DSE: variants seen among roughly 807,000 people sequenced by gnomAD.
DSE encodes the protein dermatan-sulfate epimerase.
DSE carries 36 observed loss-of-function variants against 84.4 expected under a neutral mutation model. The observed-to-expected ratio is 0.43, with a 90% CI of 0.33 to 0.56. DSE has a LOEUF of 0.56. Among genes scored for constraint, DSE ranks in the 20% least tolerant of loss-of-function variants. The pLI, the probability that DSE is intolerant of heterozygous loss-of-function variation, is 0.06. For missense variants in DSE, 862 were observed against 1,169.6 expected (o/e 0.74, Z 3.84); for synonymous variants, 410 against 430.1 (o/e 0.95, Z 0.58).
At chr6:116,282,582 C>T (rs1360956312) in intron 2 of DSE, among the ~76,000 whole-genome samples, 2 of 151,912 alleles carry the variant, frequency 1.3e-5, no homozygotes, top group African/African-American at 2.4e-5. Context: ...CTCTTCTTGT[C>T]GAACATGTAT....
intron 2 of DSE, among the ~76,000 whole-genome samples, chr6:116,261,292 A>G (rs183111999): frequency 6.3e-4 from 96 of 152,142 alleles, no homozygotes; most frequent in Admixed American, 1.9e-3. Flanking sequence ...CAGTGGTGCG[A>G]TATCAGTTCA....
At chr6:116,263,242 T>G (rs1435258222) in intron 2 of DSE, among the ~76,000 whole-genome samples, 2 of 152,226 alleles carry the variant, frequency 1.3e-5, no homozygotes, top group African/African-American at 4.8e-5. Context: ...TGTAGGAGTC[T>G]ACGTCTCTTT....
At chr6:116,368,979 G>A (rs1779339581), upstream of DSE, among the ~76,000 whole-genome samples, 1 of 152,062 alleles carries the variant, frequency 6.6e-6, no homozygotes, top group Non-Finnish European at 1.5e-5. Context: ...GTCATCCAGA[G>A]GCCAATTCGC....
At chr6:116,363,267 ATG>A (rs1259241389) in intron 2 of DSE, among the ~76,000 whole-genome samples, 2 of 151,658 alleles carry the variant, frequency 1.3e-5, no homozygotes, top group Non-Finnish European at 2.9e-5. Flanking sequence ...ATATGCATAT[ATG>A]TGTGTGCTTG....
intron 2 of DSE, among the ~76,000 whole-genome samples, chr6:116,313,002 G>C (rs1475136701): frequency 6.6e-6 from 1 of 152,126 alleles, no homozygotes; most frequent in Non-Finnish European, 1.5e-5. Context: ...ATCTTAGTTG[G>C]TGATACAGTC....
At chr6:116,284,878 C>T (rs1241952284) in intron 2 of DSE, among the ~76,000 whole-genome samples, 1 of 152,050 alleles carries the variant, frequency 6.6e-6, no homozygotes, top group Non-Finnish European at 1.5e-5. Context: ...CACAGTATTC[C>T]ATGGTGTATA....
At chr6:116,315,498 TGAATG>T (rs1385183248) in intron 2 of DSE, among the ~76,000 whole-genome samples, 1 of 152,146 alleles carries the variant, frequency 6.6e-6, no homozygotes, top group East Asian at 1.9e-4. Flanking sequence ...AAATCGATGT[TGAATG>T]AATGAAGTAC....
intron 2 of DSE, among the ~76,000 whole-genome samples, chr6:116,297,743 T>A (rs1395662602): frequency 6.6e-6 from 1 of 152,232 alleles, no homozygotes; most frequent in African/African-American, 2.4e-5. Context: ...CAGGAAAAAG[T>A]GATTTCTAGA....
At position 116,441,667 on chromosome 6, in the gene DSE, T is replaced by G. The variant is rs2115110181; in HGVS notation, c.*4322T>G. The G allele has an allele frequency of 6.6e-6, 1 of 152,322 alleles. No homozygotes were observed. The highest frequency in any genetic ancestry group is 1.9e-4 in the East Asian group (1 of 5,184). The allele number at this position is 152,322 out of a possible 1,614,324, so 9.4% of individuals were successfully genotyped here. A position where few individuals can be genotyped will look rare whatever the true frequency, so the allele number is the denominator to read the frequency against. On this transcript the variant is annotated 3_prime_UTR_variant, in exon 6 of 6. Coordinates refer to ENST00000644252, the MANE Select transcript of DSE (RefSeq NM_013352.4). Reference sequence around the variant, plus strand: ...GATCAGGTTAGGCTTTATTGATGTCTCCACTTCCATTCTCTGTGTCATTTT... The same window carrying G: ...GATCAGGTTAGGCTTTATTGATGTCGCCACTTCCATTCTCTGTGTCATTTT...
chr6:116,351,685 G>A (rs1302565382), intron 2 of DSE, among the ~76,000 whole-genome samples: 1 of 152,122 alleles, frequency 6.6e-6, no homozygotes, highest in Non-Finnish European at 1.5e-5. Flanking sequence ...AGTTTTTCAT[G>A]AATTCAAAGT....
chr6:116,424,362 T>C (rs1033676294), intron 2 of DSE, among the ~76,000 whole-genome samples: 2 of 152,252 alleles, frequency 1.3e-5, no homozygotes, highest in African/African-American at 4.8e-5. Flanking sequence ...GAGCTTTGTC[T>C]GTTACTAAAT....
At chr6:116,369,327 T>C (rs1779368195), upstream of DSE, among the ~76,000 whole-genome samples, 1 of 152,222 alleles carries the variant, frequency 6.6e-6, no homozygotes, top group Non-Finnish European at 1.5e-5. Context: ...TTTGAGAAGA[T>C]AAATGGAAAT....
At chr6:116,393,223 C>A (rs1351624570) in intron 1 of DSE, among the ~76,000 whole-genome samples, 5 of 152,120 alleles carry the variant, frequency 3.3e-5, no homozygotes, top group Non-Finnish European at 7.4e-5. Flanking sequence ...ATCTATTATT[C>A]TTTTCTTTGG....
In DSE at chr6:116,438,008, G is replaced by C. The variant is rs1219033849; in HGVS notation, c.*663G>C. On this transcript the variant is annotated 3_prime_UTR_variant, in exon 6 of 6. Transcript: ENST00000644252. ...ATGAATGAATATTTCCTTGATGCTG[G>C]TCTCTGCACACATATGCTTGGTTAC... 6.6e-6 allele frequency: 1 copy of C among 152,460 alleles called. No individual in the cohort carries two copies. The highest frequency in any genetic ancestry group is 2.1e-4 in the South Asian group (1 of 4,828). The allele number at this position is 152,460 out of a possible 1,614,324, so 9.4% of individuals were successfully genotyped here.
intron 2 of DSE, among the ~76,000 whole-genome samples, chr6:116,362,193 G>T (rs1417371127): frequency 1.3e-5 from 2 of 152,230 alleles, no homozygotes; most frequent in Non-Finnish European, 2.9e-5. Context: ...CCAATATACA[G>T]TCTAAGTGTT....
At chr6:116,360,101 G>A (rs1778802729) in intron 2 of DSE, among the ~76,000 whole-genome samples, 1 of 152,184 alleles carries the variant, frequency 6.6e-6, no homozygotes, top group Non-Finnish European at 1.5e-5. Flanking sequence ...ACTAACGCAG[G>A]AACAGAAAAC....
intron 1 of DSE, among the ~76,000 whole-genome samples, chr6:116,387,433 A>G (rs1780640867): frequency 6.6e-6 from 1 of 152,218 alleles, no homozygotes; most frequent in Non-Finnish European, 1.5e-5. Context: ...GGAAGAATTT[A>G]GTTTTAGGTG....
chr6:116,371,152 G>A (rs1583111716), intron 1 of DSE, 31 bp downstream of exon 1: 3 of 985,884 alleles, frequency 3.0e-6, no homozygotes, highest in East Asian at 2.3e-4. Flanking sequence ...GGGACGAGCT[G>A]GGGCGCGCGG....
intron 3 of DSE, among the ~76,000 whole-genome samples, chr6:116,427,659 A>G (rs998900761): frequency 3.9e-5 from 6 of 152,232 alleles, no homozygotes; most frequent in Non-Finnish European, 7.3e-5. Flanking sequence ...AACTGAGTAT[A>G]TGACATGTGC....
Sources: allele counts gnomAD v4.1 joint callset (sites outside exome capture counted in the v4.1 genomes callset), GRCh38; gene constraint gnomAD v4.1.1; transcripts MANE v1.5; gene names NCBI Gene and HGNC (gene_info 2026-07-23, HGNC 2026-07-21).